Variants in RRAS observed in about 807,000 individuals in gnomAD.
RRAS encodes the protein RAS related.
A neutral mutation model predicts 23.3 loss-of-function variants in RRAS; 18 were observed. The observed-to-expected ratio is 0.77, with a 90% CI of 0.53 to 1.15. The LOEUF is 1.15. RRAS is among the 50% of genes most tolerant of loss of function. The probability of loss-of-function intolerance (pLI) is 0.00; values close to 1 mark genes in which losing one functional copy is unlikely to be tolerated. For missense variants in RRAS, 291 were observed against 317.1 expected (o/e 0.92, Z 0.62); for synonymous variants, 133 against 138.3 (o/e 0.96, Z 0.27).
At position 49,635,773 on chromosome 19, in the gene RRAS, T is replaced by C. The variant is rs762794552; in HGVS notation, c.533A>G (p.Asn178Ser). Reference protein sequence around the residue: ...YFEASAKLRLNVDEAFEQLVR... With the variant: ...YFEASAKLRLSVDEAFEQLVR... ...CAGCTGCTCAAAAGCCTCGTCCACG[T>C]TGAGACGCAGTTTGGCCGAGGCCTC... Residue 178 changes from asparagine to serine, a missense_variant, in exon 5 of 6, where the codon AAC (asparagine) becomes AGC (serine). Asn to Ser is a conservative substitution (Grantham distance 46). Transcript: ENST00000246792. 7 of 1,598,098 alleles carry C rather than the reference T, an allele frequency of 4.4e-6. No homozygotes were observed. Among genetic ancestry groups the C allele is most frequent in the South Asian group, 1.1e-5 (1 of 90,064 alleles).
Position 49,635,651 on chromosome 19 carries a change from C to T in RRAS, c.582G>A (p.Gln194=). 1 of 1,457,900 alleles carries T rather than the reference C, an allele frequency of 6.9e-7. No homozygotes were observed. The highest frequency in any genetic ancestry group is 9.2e-7 in the Non-Finnish European group (1 of 1,092,042). 90.3% of individuals were successfully genotyped at this position (1,457,900 alleles called of 1,614,324 possible). The change falls in exon 6 of 6, where the codon CAG becomes CAA. Residue 194 remains glutamine (Q), a synonymous_variant. Coordinates refer to ENST00000246792, the MANE Select transcript of RRAS (RefSeq NM_006270.5). ...EQLVRAVRKY[Q]EQELPPSPPS... is the part of the protein sequence containing the mutation. Reference sequence around the variant, plus strand: ...GAGGGCTCGGTGGGAGCTCTTGTTCCTGGTATTTCCTGTGGGAAAACGCCA... The same window carrying T: ...GAGGGCTCGGTGGGAGCTCTTGTTCTTGGTATTTCCTGTGGGAAAACGCCA...
intron 1 of RRAS, among the ~76,000 whole-genome samples, chr19:49,637,815 C>T (rs974456924): frequency 2.0e-5 from 3 of 147,430 alleles, no homozygotes. Flanking sequence ...TGAGTCACTC[C>T]TGGTCCTCTC....
In RRAS at chr19:49,636,953, G is replaced by A. The variant is rs2080999667; in HGVS notation, c.242-27C>T. On this transcript the variant is annotated intron_variant, in intron 2 of 5. Transcript: ENST00000246792. This position sits in a 1 kb window ranked among gnomAD's most constrained non-coding sequence, Gnocchi z 4.5. ...TGCAGAGACAGGGAGAGGGGCCATCGTGGGGACCAGGCTCCCCGCAGTCAC... is the reference window on the plus strand; with the variant it reads ...TGCAGAGACAGGGAGAGGGGCCATCATGGGGACCAGGCTCCCCGCAGTCAC... The A allele has an allele frequency of 1.9e-6, 3 of 1,609,182 alleles. No homozygotes were observed. The highest frequency in any genetic ancestry group is 2.5e-6 in the Non-Finnish European group (3 of 1,176,710).
At chr19:49,637,487 G>A (rs925455667) in intron 1 of RRAS, among the ~76,000 whole-genome samples, 7 of 151,894 alleles carry the variant, frequency 4.6e-5, no homozygotes, top group Non-Finnish European at 1.0e-4. Context: ...TGTATTTTTA[G>A]TAGAGATGTG....
Position 49,636,831 on chromosome 19 carries a change from G to T in RRAS, c.337C>A (p.Arg113=), listed in dbSNP as rs751389740. 1 of 1,613,100 alleles carries T rather than the reference G, an allele frequency of 6.2e-7. No individual in the cohort carries two copies. Among genetic ancestry groups the T allele is most frequent in the Non-Finnish European group, 8.5e-7 (1 of 1,179,886 alleles). The change falls in exon 3 of 6, where the codon CGG becomes AGG. Residue 113 remains arginine (R), a synonymous_variant. Transcript: ENST00000246792. The surrounding 1 kb of genome is among the most constrained non-coding windows in gnomAD (Gnocchi z 4.5). ...GFLLVFAIND[R]QSFNEVGKLF... is the part of the protein sequence containing the mutation. ...ACCAGCAACCCCTGTCACCTCTGCC[G>T]GTCGTTAATGGCGAACACCAGCAGG... is the stretch of plus-strand genomic sequence containing the variant.
chr19:49,639,992 C>G lies in RRAS; in HGVS notation c.107G>C (p.Gly36Ala). 6.3e-7 allele frequency: 1 copy of G among 1,586,954 alleles called. No individual in the cohort carries two copies. Among genetic ancestry groups the G allele is most frequent in the Non-Finnish European group, 8.5e-7 (1 of 1,173,260 alleles). The change falls in exon 1 of 6, where the codon GGC becomes GCC. Residue 36 changes from glycine to alanine, a missense_variant. Transcript: ENST00000246792. Reference sequence around the variant, plus strand: ...CGCGCTCTTGCCCACGCCGCCGCCGCCCACGACCACCAGCTTGTGTGTCTC... The same window carrying G: ...CGCGCTCTTGCCCACGCCGCCGCCGGCCACGACCACCAGCTTGTGTGTCTC... ...PSETHKLVVV[G>A]GGGVGKSALT...
Position 49,639,991 on chromosome 19 carries a change from G to T in RRAS, c.108C>A (p.Gly36=). Residue 36 remains glycine, a synonymous_variant, in exon 1 of 6, where the codon GGC becomes GGA. Coordinates refer to ENST00000246792, the MANE Select transcript of RRAS (RefSeq NM_006270.5). The stretch of plus-strand genomic sequence containing the variant: ...GCGCGCTCTTGCCCACGCCGCCGCC[G>T]CCCACGACCACCAGCTTGTGTGTCT... The part of the protein sequence containing the change: ...PSETHKLVVV[G]GGGVGKSALT... 1 of 1,586,760 alleles carries T rather than the reference G, an allele frequency of 6.3e-7. No individual in the cohort carries two copies.
At chr19:49,639,914 G>A (rs1332227116) in intron 1 of RRAS, 32 bp downstream of exon 1, 3 of 1,551,734 alleles carry the variant, frequency 1.9e-6, no homozygotes, top group Non-Finnish European at 2.6e-6. Context: ...TCTGGGTCCC[G>A]GGGGACACCC....
Position 49,640,072 on chromosome 19 carries a change from T to C in RRAS, c.27A>G (p.Thr9=). 1 of 1,417,626 alleles carries C rather than the reference T, an allele frequency of 7.1e-7. No individual in the cohort carries two copies. Among genetic ancestry groups the C allele is most frequent in the Non-Finnish European group, 9.1e-7 (1 of 1,099,324 alleles). The allele number at this position is 1,417,626 out of a possible 1,614,324, so 87.8% of individuals were successfully genotyped here. Residue 9 remains threonine (T), a synonymous_variant, in exon 1 of 6, where the codon ACA becomes ACG. Transcript: ENST00000246792. The part of the protein sequence containing the change: MSSGAASG[T]GRGRPRGGGP... ...CCCCGCCCCGGGGCCGCCCCCGCCC[T>C]GTCCCGGACGCCGCCCCGCTGCTCA...
rs779217242 is a variant in RRAS, at chr19:49,635,739, A to C, written c.567T>G (p.Ala189=). Residue 189 remains alanine, a synonymous_variant, in exon 5 of 6, where the codon GCT becomes GCG. Coordinates refer to ENST00000246792, the MANE Select transcript of RRAS (RefSeq NM_006270.5). The part of the protein sequence containing the change: ...VDEAFEQLVR[A]VRKYQEQELP... ...AGGAAGGGGACTTGGCTCACCGGAC[A>C]GCCCGCACCAGCTGCTCAAAAGCCT... 2 of 1,571,526 alleles carry C rather than the reference A, an allele frequency of 1.3e-6. No homozygotes were observed. The highest frequency in any genetic ancestry group is 1.7e-6 in the Non-Finnish European group (2 of 1,148,080).
chr19:49,636,517 G>T lies in RRAS; in HGVS notation c.453+102C>A. On this transcript the variant is annotated intron_variant, in intron 4 of 5. Transcript: ENST00000246792. The surrounding 1 kb of genome is among the most constrained non-coding windows in gnomAD (Gnocchi z 4.5). ...GGTGAGCTGTGTGACAGTGGCAGTC[G>T]CAGCACTGCAGGAACAGAGGAGGAT... The T allele has an allele frequency of 1.2e-6, 1 of 864,282 alleles. No individual in the cohort carries two copies. Among genetic ancestry groups the T allele is most frequent in the Non-Finnish European group, 2.0e-6 (1 of 511,722 alleles). 53.5% of individuals were successfully genotyped at this position (864,282 alleles called of 1,614,324 possible).
chr19:49,636,964 G>T lies in RRAS; in HGVS notation c.242-38C>A. 6.2e-7 allele frequency: 1 copy of T among 1,606,960 alleles called. No homozygotes were observed. The highest frequency in any genetic ancestry group is 8.5e-7 in the Non-Finnish European group (1 of 1,174,558). Reference sequence around the variant, plus strand: ...GGAGAGGGGCCATCGTGGGGACCAGGCTCCCCGCAGTCACCCCCAAGAGCC... The same window carrying T: ...GGAGAGGGGCCATCGTGGGGACCAGTCTCCCCGCAGTCACCCCCAAGAGCC... On this transcript the variant is annotated intron_variant, in intron 2 of 5. Transcript: ENST00000246792. This position sits in a 1 kb window ranked among gnomAD's most constrained non-coding sequence, Gnocchi z 4.5.
intron 4 of RRAS, 94 bp from the exon 5 acceptor site, chr19:49,635,946 G>A (rs2080994522): frequency 1.6e-6 from 1 of 607,602 alleles, no homozygotes. Flanking sequence ...CTCTAGGAGA[G>A]GTGACCCACT....
At position 49,636,982 on chromosome 19, in the gene RRAS, C is replaced by G; in HGVS notation, c.242-56G>C. 6.2e-7 allele frequency: 1 copy of G among 1,606,774 alleles called. No individual in the cohort carries two copies. The highest frequency in any genetic ancestry group is 8.5e-7 in the Non-Finnish European group (1 of 1,174,278). The stretch of plus-strand genomic sequence containing the variant: ...GGACCAGGCTCCCCGCAGTCACCCC[C>G]AAGAGCCCTCAGCCCCCACTGACAC... On this transcript the variant is annotated intron_variant, in intron 2 of 5. Transcript: ENST00000246792. This position sits in a 1 kb window ranked among gnomAD's most constrained non-coding sequence, Gnocchi z 4.5.
chr19:49,639,793 G>A (rs966105059), intron 1 of RRAS, among the ~76,000 whole-genome samples, 153 bp downstream of exon 1: 5 of 152,144 alleles, frequency 3.3e-5, no homozygotes, highest in African/African-American at 4.8e-5. Context: ...CTCTCCAAGA[G>A]TTTAGGTTAC....
rs1488434625 is a variant in RRAS, at chr19:49,636,873, G to A, written c.295C>T (p.Arg99Cys). 2.5e-5 allele frequency: 41 copies of A among 1,613,304 alleles called. No individual in the cohort carries two copies. Among genetic ancestry groups the A allele is most frequent in the Non-Finnish European group, 3.3e-5 (39 of 1,180,018 alleles). ...EFGAMREQYMRAGHGFLLVFA... is the reference protein window; with the variant it reads ...EFGAMREQYMCAGHGFLLVFA... Reference sequence around the variant, plus strand: ...ACCAGCAGGAAGCCGTGGCCAGCACGCATGTACTGCTCTCTCATGGCCCCG... The same window carrying A: ...ACCAGCAGGAAGCCGTGGCCAGCACACATGTACTGCTCTCTCATGGCCCCG... The change falls in exon 3 of 6, where the codon CGT (arginine) becomes TGT (cysteine). Residue 99 changes from arginine to cysteine, a missense_variant. Coordinates refer to ENST00000246792, the MANE Select transcript of RRAS (RefSeq NM_006270.5). This position sits in a 1 kb window ranked among gnomAD's most constrained non-coding sequence, Gnocchi z 4.5.
At chr19:49,639,328 G>C (rs944935874) in intron 1 of RRAS, among the ~76,000 whole-genome samples, 14 of 151,952 alleles carry the variant, frequency 9.2e-5, no homozygotes, top group African/African-American at 3.4e-4. Context: ...GGGAGGCTGA[G>C]GCAGGAGAAT....
chr19:49,635,816 G>A lies in RRAS; in HGVS notation c.490C>T (p.His164Tyr). The A allele has an allele frequency of 3.7e-6, 6 of 1,601,330 alleles. No individual in the cohort carries two copies. Among genetic ancestry groups the A allele is most frequent in the Non-Finnish European group, 5.1e-6 (6 of 1,170,468 alleles). Residue 164 changes from histidine (H) to tyrosine (Y), a missense_variant, in exon 5 of 6, where the codon CAC becomes TAC. Transcript: ENST00000246792. ...GAGGCCTCAAAGTAGGCCACGTGGTGGGAGGCGCCGAAGGCAGAGGCTTCT... is the reference window on the plus strand; with the variant it reads ...GAGGCCTCAAAGTAGGCCACGTGGTAGGAGGCGCCGAAGGCAGAGGCTTCT... The part of the protein sequence containing the change: ...RSEASAFGAS[H>Y]HVAYFEASAK...
Position 49,635,872 on chromosome 19 carries a change from G to T in RRAS, c.454-20C>A, listed in dbSNP as rs564198320. On this transcript the variant is annotated intron_variant, in intron 4 of 5. Transcript: ENST00000246792. ...GGGGACCTGGGGGTAGGGGGGACAC[G>T]GGGGAGTCAGGTCCCTGCACTCAGG... 8.6e-7 allele frequency: 1 copy of T among 1,168,816 alleles called. No homozygotes were observed. The highest frequency in any genetic ancestry group is 1.3e-6 in the Non-Finnish European group (1 of 799,814). 72.4% of individuals were successfully genotyped at this position (1,168,816 alleles called of 1,614,324 possible). A position where few individuals can be genotyped will look rare whatever the true frequency, so the allele number is the denominator to read the frequency against.
Sources: gnomAD v4.1 joint callset for allele counts (sites outside exome capture counted in the v4.1 genomes callset) on GRCh38, gnomAD v4.1.1 for gene constraint, Gnocchi (gnomAD v3.1) non-coding constraint, MANE v1.5 for transcripts, NCBI Gene and HGNC (gene_info 2026-07-23, HGNC 2026-07-21) for gene names.